EIF4G3: variants seen among roughly 807,000 people sequenced by gnomAD.
EIF4G3 encodes eIF-4-gamma 3.
In EIF4G3, 34 loss-of-function variants were observed where a neutral mutation model predicts 186.4. That is an observed-to-expected ratio of 0.18 (90% CI 0.14 to 0.24). The LOEUF (loss-of-function observed/expected upper bound fraction) is 0.24, where lower values mean the gene tolerates loss of function less well. EIF4G3 is among the 10% of genes least tolerant of loss of function. The pLI, the probability that EIF4G3 is intolerant of heterozygous loss-of-function variation, is 1.00. For synonymous variants in EIF4G3, 673 were observed against 679.5 expected (o/e 0.99, Z 0.15); for missense variants, 1,536 against 1,948.5 (o/e 0.79, Z 3.99).
intron 2 of EIF4G3, among the ~76,000 whole-genome samples, chr1:21,101,288 C>G (rs1225273800): frequency 6.6e-6 from 1 of 151,976 alleles, no homozygotes; most frequent in African/African-American, 2.4e-5. Context: ...TGCAATAGGG[C>G]CGAGCACGGT....
chr1:20,816,471 T>C (rs1344268463), intron 34 of EIF4G3, among the ~76,000 whole-genome samples: 93 of 37,070 alleles, frequency 2.5e-3, no homozygotes, highest in African/African-American at 3.1e-3. Context: ...GCCCGGCCAG[T>C]CGCCCCGTCC....
intron 13 of EIF4G3, among the ~76,000 whole-genome samples, chr1:20,948,642 A>C (rs1396794416): frequency 6.6e-6 from 1 of 152,148 alleles, no homozygotes; most frequent in East Asian, 1.9e-4. Flanking sequence ...TGATTGACTA[A>C]CTTGCAGTCT....
At chr1:20,939,150 G>A (rs1185972107) in intron 14 of EIF4G3, among the ~76,000 whole-genome samples, 1 of 150,542 alleles carries the variant, frequency 6.6e-6, no homozygotes, top group Non-Finnish European at 1.5e-5. Context: ...GAGTTGCAGG[G>A]GTTCTTGAAG....
chr1:20,900,068 T>C (rs1297038321), intron 15 of EIF4G3, 125 bp from the exon 16 acceptor site: 3 of 1,002,978 alleles, frequency 3.0e-6, no homozygotes, highest in Non-Finnish European at 4.4e-6. Flanking sequence ...ATGTCTGTGT[T>C]CAGCATGTGG....
rs370544697 is a variant in EIF4G3 at position 20,982,447 on chromosome 1, G to A, written c.178-39C>T. On this transcript the variant is annotated intron_variant, in intron 7 of 36. Coordinates refer to ENST00000602326, the MANE Select transcript of EIF4G3 (RefSeq NM_001391906.1). ...GCAAGAAAGCAGCAGGAAACAGAAA[G>A]AAAGCCAATGGAAAAGCTTACAGAT... 6.0e-6 allele frequency: 9 copies of A among 1,511,548 alleles called. 1 individual carries two copies. Among genetic ancestry groups the A allele is most frequent in the African/African-American group, 2.8e-5 (2 of 71,678 alleles). 93.6% of individuals were successfully genotyped at this position (1,511,548 alleles called of 1,614,324 possible).
chr1:21,083,271 C>G (rs1209087712), intron 3 of EIF4G3, among the ~76,000 whole-genome samples: 2 of 151,992 alleles, frequency 1.3e-5, no homozygotes, highest in African/African-American at 4.8e-5. Context: ...TGGAGACTAT[C>G]ACACTTTAAG....
At chr1:20,934,672 G>A (rs954434608) in intron 14 of EIF4G3, among the ~76,000 whole-genome samples, 5 of 152,104 alleles carry the variant, frequency 3.3e-5, no homozygotes, top group African/African-American at 1.2e-4. Flanking sequence ...TCACACCACT[G>A]TAAGTGGTGT....
At chr1:20,975,390 A>AC (rs747170556) in intron 10 of EIF4G3, among the ~76,000 whole-genome samples, 2 of 151,338 alleles carry the variant, frequency 1.3e-5, no homozygotes, top group African/African-American at 4.8e-5. Flanking sequence ...AAAAAACAAA[A>AC]AAAAAAAAAA....
At position 20,949,556 on chromosome 1, in the gene EIF4G3, T is replaced by C. The variant is rs528154998; in HGVS notation, c.823+447A>G. 2.2e-4 allele frequency among the ~76,000 whole-genome samples: 33 copies of C among 152,338 alleles called. No homozygotes were observed. In the South Asian group the frequency reaches 5.8e-3, roughly 27 times the overall value. On this transcript the variant is annotated intron_variant, in intron 13 of 36. Coordinates refer to ENST00000602326, the MANE Select transcript of EIF4G3 (RefSeq NM_001391906.1). Reference sequence around the variant, plus strand: ...GCATGATGGAGCCGGGATTGGAACTTGGCTCCATCTCCAAATGTGGCTATA... The same window carrying C: ...GCATGATGGAGCCGGGATTGGAACTCGGCTCCATCTCCAAATGTGGCTATA...
chr1:20,985,321 C>T (rs1415263291), intron 7 of EIF4G3, among the ~76,000 whole-genome samples: 1 of 152,110 alleles, frequency 6.6e-6, no homozygotes, highest in Non-Finnish European at 1.5e-5. Flanking sequence ...GTGACTGAAA[C>T]TTGTTCATAT....
intron 14 of EIF4G3, among the ~76,000 whole-genome samples, chr1:20,922,623 G>A (rs1040422249): frequency 1.3e-5 from 2 of 152,198 alleles, no homozygotes; most frequent in Non-Finnish European, 2.9e-5. Flanking sequence ...TTAAGAACAT[G>A]TGCTTCTCTG....
rs138692264 is a variant in EIF4G3 at position 20,973,758 on chromosome 1, C to T, written c.494-659G>A. 4.0e-3 allele frequency among the ~76,000 whole-genome samples: 609 copies of T among 152,310 alleles called. 1 individual carries two copies. Among genetic ancestry groups the T allele is most frequent in the Non-Finnish European group, 6.6e-3 (448 of 68,038 alleles). On this transcript the variant is annotated intron_variant, in intron 10 of 36. Transcript: ENST00000602326. ...ACTCCTAACTCCTATCCTTTGAGTA[C>T]ACCAATCTCTTCAACTTTTGACTGT... is the stretch of plus-strand genomic sequence containing the variant.
chr1:20,925,682 C>T (rs754792743), intron 14 of EIF4G3, among the ~76,000 whole-genome samples: 13 of 152,094 alleles, frequency 8.5e-5, no homozygotes, highest in Admixed American at 3.9e-4. Context: ...TACAGGCATG[C>T]GCCACCAAGC....
intron 14 of EIF4G3, among the ~76,000 whole-genome samples, chr1:20,924,900 C>T (rs1033939807): frequency 6.6e-6 from 1 of 152,176 alleles, no homozygotes; most frequent in African/African-American, 2.4e-5. Context: ...ACACATATTA[C>T]TGCAAAATTT....
chr1:20,937,674 G>C (rs1363555377), intron 14 of EIF4G3, among the ~76,000 whole-genome samples: 6 of 152,088 alleles, frequency 3.9e-5, no homozygotes, highest in Non-Finnish European at 8.8e-5. Flanking sequence ...TTTAAAAAGT[G>C]GGAAAGTTAA....
chr1:21,165,525 T>C (rs1049903598), intron 2 of EIF4G3, among the ~76,000 whole-genome samples: 1 of 152,212 alleles, frequency 6.6e-6, no homozygotes, highest in Admixed American at 6.5e-5. Flanking sequence ...GAAGTGCTAA[T>C]ACATGGTTAC....
In EIF4G3 at chr1:20,840,998, C is replaced by G; in HGVS notation, c.3919G>C (p.Ala1307Pro). The change falls in exon 30 of 37, where the codon GCC becomes CCC. Residue 1307 changes from alanine (A) to proline (P), a missense_variant. By Grantham distance (27) the Ala-to-Pro change is conservative. Transcript: ENST00000602326. ...ACAAAAACATGTAGTAGGCCCTGGG[C>G]ATTCAGCTCTTCCACACACTGCATG... ...EAMQCVEELN[A>P]QGLLHVFVRV... is the part of the protein sequence containing the mutation. 1 of 1,614,150 alleles carries G rather than the reference C, an allele frequency of 6.2e-7. No homozygotes were observed. Among genetic ancestry groups the G allele is most frequent in the South Asian group, 1.1e-5 (1 of 91,082 alleles).
chr1:20,910,597 A>AAAAAC (rs1213506066), intron 14 of EIF4G3, among the ~76,000 whole-genome samples: 2 of 152,300 alleles, frequency 1.3e-5, no homozygotes, highest in East Asian at 1.9e-4. Context: ...AAACAAAAAC[A>AAAAAC]AAAACAAAAC....
intron 2 of EIF4G3, among the ~76,000 whole-genome samples, chr1:21,142,071 T>C (rs1424878502): frequency 6.6e-6 from 1 of 152,056 alleles, no homozygotes; most frequent in Non-Finnish European, 1.5e-5. Flanking sequence ...AAAATGGAGA[T>C]AGATATGTAT....
Sources: allele counts gnomAD v4.1 joint callset (sites outside exome capture counted in the v4.1 genomes callset), GRCh38; gene constraint gnomAD v4.1.1; transcripts MANE v1.5; gene names NCBI Gene and HGNC (gene_info 2026-07-23, HGNC 2026-07-21).